The following ZNF521 variants were observed in gnomAD, a reference collection of about 807,000 sequenced individuals.
ZNF521 encodes the protein zinc finger protein 521, also known as LYST-interacting protein 3.
ZNF521 carries 14 observed loss-of-function variants against 105.5 expected under a neutral mutation model. The observed-to-expected ratio is 0.13, with a 90% CI of 0.09 to 0.21. The LOEUF (loss-of-function observed/expected upper bound fraction) is 0.21, where lower values mean the gene tolerates loss of function less well. Among genes scored for constraint, ZNF521 ranks in the 10% least tolerant of loss-of-function variants. The pLI is 1.00. For missense variants in ZNF521, 1,233 were observed against 1,629.7 expected, an observed-to-expected ratio of 0.76 and a Z score of 4.19; for synonymous variants, 635 against 606.0, an observed-to-expected ratio of 1.05 and a Z score of -0.70.
chr18:25,103,289 C>G (rs1037918414), intron 5 of ZNF521, among the ~76,000 whole-genome samples: 5 of 152,098 alleles, frequency 3.3e-5, no homozygotes, highest in Non-Finnish European at 7.4e-5. Flanking sequence ...ATGACAATAA[C>G]CCAATGATTT....
At chr18:25,282,240 G>C (rs769804660) in intron 3 of ZNF521, among the ~76,000 whole-genome samples, 4 of 152,146 alleles carry the variant, frequency 2.6e-5, no homozygotes, top group Non-Finnish European at 5.9e-5. Flanking sequence ...AACTGTTTTG[G>C]GGGGATGAGG....
At chr18:25,278,429 G>A (rs1287402248) in intron 3 of ZNF521, among the ~76,000 whole-genome samples, 2 of 152,154 alleles carry the variant, frequency 1.3e-5, no homozygotes, top group Non-Finnish European at 2.9e-5. Flanking sequence ...GAAGCGATCT[G>A]TGCTGCTAAG....
intron 5 of ZNF521, among the ~76,000 whole-genome samples, chr18:25,119,445 T>C (rs184951046): frequency 1.3e-5 from 2 of 152,154 alleles, no homozygotes; most frequent in South Asian, 2.1e-4. Flanking sequence ...ATAAATTTAA[T>C]AGAATTAAAA....
intron 3 of ZNF521, among the ~76,000 whole-genome samples, chr18:25,266,474 G>C (rs1229357424): frequency 6.6e-6 from 1 of 152,052 alleles, no homozygotes; most frequent in Non-Finnish European, 1.5e-5. Context: ...GGCTGAACAG[G>C]AACAGGTCCG....
At chr18:25,133,619 A>T (rs1327655992) in intron 5 of ZNF521, among the ~76,000 whole-genome samples, 1 of 152,212 alleles carries the variant, frequency 6.6e-6, no homozygotes, top group South Asian at 2.1e-4. Flanking sequence ...ACATATCCAT[A>T]TATGCAACAA....
At chr18:25,292,193 C>G (rs1405246311) in intron 3 of ZNF521, among the ~76,000 whole-genome samples, 2 of 152,166 alleles carry the variant, frequency 1.3e-5, no homozygotes, top group Non-Finnish European at 2.9e-5. Flanking sequence ...ATGTCACCTG[C>G]CAGTTTCCCA....
intron 2 of ZNF521, among the ~76,000 whole-genome samples, chr18:25,335,008 G>A (rs577021682): frequency 6.1e-4 from 93 of 152,264 alleles, no homozygotes; most frequent in African/African-American, 2.1e-3. Context: ...ATAGTGTGCA[G>A]GATTCAAACA....
intron 5 of ZNF521, among the ~76,000 whole-genome samples, chr18:25,122,138 A>ATCC (rs2034455616): frequency 6.6e-6 from 1 of 152,240 alleles, no homozygotes; most frequent in Non-Finnish European, 1.5e-5. Context: ...ATCCATATTG[A>ATCC]ACTTGAAGAG....
intron 3 of ZNF521, among the ~76,000 whole-genome samples, chr18:25,297,968 A>G (rs1288242355): frequency 6.6e-6 from 1 of 152,196 alleles, no homozygotes; most frequent in African/African-American, 2.4e-5. Context: ...TCATTTACTC[A>G]TTCATCAAAC....
At position 25,278,903 on chromosome 18, in the gene ZNF521, C is replaced by T. The variant is rs116844626; in HGVS notation, c.220+43105G>A. On this transcript the variant is annotated intron_variant, in intron 3 of 7. Transcript: ENST00000361524. The stretch of plus-strand genomic sequence containing the variant: ...GTTGGCTTCAGGTACTTTATAACTC[C>T]GTTATTTTATTAACTTTTGGTTATC... Among the ~76,000 whole-genome samples, 330 of 152,258 alleles carry T rather than the reference C, an allele frequency of 2.2e-3. 8 individuals are homozygous for T. The East Asian group carries it at 0.046, about 21-fold the overall frequency.
chr18:25,220,395 C>A (rs946966945), intron 4 of ZNF521, among the ~76,000 whole-genome samples: 3 of 152,008 alleles, frequency 2.0e-5, no homozygotes, highest in Admixed American at 1.3e-4. Flanking sequence ...ACAGGAGTAC[C>A]GAGAGGATGC....
intron 3 of ZNF521, among the ~76,000 whole-genome samples, chr18:25,282,539 T>C (rs571250078): frequency 1.4e-4 from 21 of 152,050 alleles, no homozygotes; most frequent in Non-Finnish European, 2.2e-4. Flanking sequence ...GGTAATAAAG[T>C]GTGAGCTTGC....
chr18:25,326,864 A>C lies in ZNF521; in HGVS notation c.41-4677T>G, dbSNP rs1323435229. Among the ~76,000 whole-genome samples the C allele has an allele frequency of 2.6e-5, 4 of 152,218 alleles. No individual in the cohort carries two copies. In the East Asian group the frequency reaches 5.8e-4, roughly 22 times the overall value. On this transcript the variant is annotated intron_variant, in intron 2 of 7. Coordinates refer to ENST00000361524, the MANE Select transcript of ZNF521 (RefSeq NM_015461.3). ...TCCACTTATATACTCACGCAAACTT[A>C]AAACTGGACCACTTCCTAACAGTTT...
At chr18:25,090,974 A>G (rs1454912326) in intron 6 of ZNF521, among the ~76,000 whole-genome samples, 1 of 152,226 alleles carries the variant, frequency 6.6e-6, no homozygotes, top group Non-Finnish European at 1.5e-5. Context: ...CCAAACAGGC[A>G]ACTGTTGAAG....
intron 5 of ZNF521, among the ~76,000 whole-genome samples, chr18:25,175,143 A>G (rs1268477479): frequency 2.0e-5 from 3 of 152,190 alleles, no homozygotes; most frequent in African/African-American, 2.4e-5. Flanking sequence ...CTTTGAGTAC[A>G]TTACAATTAT....
At chr18:25,110,295 G>A (rs1243945347) in intron 5 of ZNF521, among the ~76,000 whole-genome samples, 2 of 152,228 alleles carry the variant, frequency 1.3e-5, no homozygotes, top group African/African-American at 4.8e-5. Context: ...TGCTATCAGC[G>A]GGACTGAGGA....
intron 5 of ZNF521, among the ~76,000 whole-genome samples, chr18:25,143,968 T>C (rs750409259): frequency 6.6e-5 from 10 of 152,224 alleles, no homozygotes; most frequent in Non-Finnish European, 1.5e-4. Flanking sequence ...TCAGTATCCC[T>C]TGTTAGTGCC....
intron 5 of ZNF521, among the ~76,000 whole-genome samples, chr18:25,191,890 AT>A (rs1824071118): frequency 6.6e-6 from 1 of 152,166 alleles, no homozygotes; most frequent in South Asian, 2.1e-4. Flanking sequence ...AACAATAAAT[AT>A]TTACTATGCT....
chr18:25,333,738 AG>A, intron 2 of ZNF521, among the ~76,000 whole-genome samples: 1 of 152,336 alleles, frequency 6.6e-6, no homozygotes, highest in East Asian at 1.9e-4. Context: ...TTCGAACAAA[AG>A]AAAACAGGGA....
Sources: allele counts gnomAD v4.1 joint callset (sites outside exome capture counted in the v4.1 genomes callset), GRCh38; gene constraint gnomAD v4.1.1; transcripts MANE v1.5; gene names NCBI Gene and HGNC (gene_info 2026-07-23, HGNC 2026-07-21).